Variants in GPC5 observed in about 807,000 individuals in gnomAD.
GPC5 encodes the protein glypican-5.
GPC5 carries 47 observed loss-of-function variants against 53.9 expected under a neutral mutation model. That is an observed-to-expected ratio of 0.87 (90% confidence interval 0.69 to 1.11). GPC5 has a LOEUF of 1.11. Ranked by LOEUF, GPC5 falls within the 50% of genes most tolerant of loss-of-function variation. The pLI is 0.00. For synonymous variants in GPC5, 286 were observed against 263.3 expected, an observed-to-expected ratio of 1.09 and a Z score of -0.84; for missense variants, 748 against 713.1, an observed-to-expected ratio of 1.05 and a Z score of -0.56.
chr13:91,588,966 G>T (rs10492616), intron 2 of GPC5, among the ~76,000 whole-genome samples: 21,856 of 152,100 alleles, frequency 0.14, 1,765 homozygotes, highest in African/African-American at 0.23. Flanking sequence ...TATAGTCACT[G>T]AATAATCCAA....
chr13:92,723,673 C>T (rs768715235), intron 7 of GPC5, among the ~76,000 whole-genome samples: 1 of 151,630 alleles, frequency 6.6e-6, no homozygotes, highest in Non-Finnish European at 1.5e-5. Flanking sequence ...AGTCAGGATG[C>T]TGTGAACCCA....
intron 2 of GPC5, among the ~76,000 whole-genome samples, chr13:91,572,176 T>C (rs1566517391): frequency 5.7e-5 from 4 of 69,648 alleles, no homozygotes; most frequent in Non-Finnish European, 3.8e-5. Flanking sequence ...CATATGTATA[T>C]ATACGTGTGT....
intron 7 of GPC5, among the ~76,000 whole-genome samples, chr13:92,334,211 G>A (rs867758899): frequency 4.6e-5 from 7 of 152,176 alleles, no homozygotes; most frequent in African/African-American, 2.4e-5. Context: ...GGCTAGGGAG[G>A]CCTCTCAGTC....
At chr13:91,946,217 T>G (rs1197949284) in intron 6 of GPC5, among the ~76,000 whole-genome samples, 1 of 152,210 alleles carries the variant, frequency 6.6e-6, no homozygotes, top group East Asian at 1.9e-4. Context: ...CTTTGTCTCA[T>G]GGTTTCTCTG....
At chr13:91,587,371 CT>C (rs1455491515) in intron 2 of GPC5, among the ~76,000 whole-genome samples, 3 of 152,090 alleles carry the variant, frequency 2.0e-5, no homozygotes, top group African/African-American at 7.2e-5. Context: ...TAAGCATGAC[CT>C]TTTCAAGTCT....
chr13:91,552,125 A>G (rs951646785), intron 2 of GPC5, among the ~76,000 whole-genome samples: 1 of 152,042 alleles, frequency 6.6e-6, no homozygotes, highest in Non-Finnish European at 1.5e-5. Flanking sequence ...TTTCCTTGCT[A>G]TTACTTTTAA....
At chr13:92,631,257 A>T (rs1369006872) in intron 7 of GPC5, among the ~76,000 whole-genome samples, 1 of 152,164 alleles carries the variant, frequency 6.6e-6, no homozygotes, top group Non-Finnish European at 1.5e-5. Flanking sequence ...TGTGCTAAAA[A>T]ATAACAGTAG....
chr13:92,354,299 TACA>T (rs759910008), intron 7 of GPC5, among the ~76,000 whole-genome samples: 28 of 152,334 alleles, frequency 1.8e-4, no homozygotes, highest in Non-Finnish European at 2.9e-4. Context: ...TTCCTATTGA[TACA>T]ACAACAGTAA....
At chr13:92,399,807 T>G (rs1247356147) in intron 7 of GPC5, among the ~76,000 whole-genome samples, 1 of 152,210 alleles carries the variant, frequency 6.6e-6, no homozygotes, top group Non-Finnish European at 1.5e-5. Flanking sequence ...GTTATTTAAC[T>G]TTATGTGCCT....
chr13:92,833,755 TG>T (rs1386237836), intron 7 of GPC5, among the ~76,000 whole-genome samples: 1 of 152,184 alleles, frequency 6.6e-6, no homozygotes, highest in Non-Finnish European at 1.5e-5. Context: ...CCTCACAGGT[TG>T]GCAAGGGTAA....
intron 7 of GPC5, among the ~76,000 whole-genome samples, chr13:92,478,298 A>G (rs1879225893): frequency 1.3e-5 from 2 of 152,170 alleles, no homozygotes; most frequent in Non-Finnish European, 2.9e-5. Flanking sequence ...ATTTCTCTTG[A>G]TCCTTAAAAG....
chr13:91,438,001 G>A (rs1188268649), intron 1 of GPC5, among the ~76,000 whole-genome samples: 3 of 152,004 alleles, frequency 2.0e-5, no homozygotes, highest in African/African-American at 7.3e-5. Flanking sequence ...TCGTGCCTTG[G>A]TTTTCAGCTT....
chr13:91,476,694 A>G (rs1327478574), intron 2 of GPC5, among the ~76,000 whole-genome samples: 2 of 152,122 alleles, frequency 1.3e-5, no homozygotes, highest in African/African-American at 4.8e-5. Flanking sequence ...GGATTACTCT[A>G]CTCACACCAA....
chr13:91,403,174 C>T (rs1394067225), intron 1 of GPC5, among the ~76,000 whole-genome samples: 1 of 152,198 alleles, frequency 6.6e-6, no homozygotes, highest in Non-Finnish European at 1.5e-5. Context: ...GAATTGGGAC[C>T]CGTCGTCTGA....
intron 6 of GPC5, among the ~76,000 whole-genome samples, chr13:91,917,613 G>T (rs557599581): frequency 2.4e-4 from 37 of 152,254 alleles, no homozygotes; most frequent in African/African-American, 8.4e-4. Flanking sequence ...TGAATGCTTT[G>T]CCAATTAGCA....
At chr13:92,264,492 C>T (rs1440273736) in intron 7 of GPC5, among the ~76,000 whole-genome samples, 1 of 151,958 alleles carries the variant, frequency 6.6e-6, no homozygotes. Context: ...AGCACACACA[C>T]ATACACACAC....
At chr13:91,889,364 G>A (rs1364516179) in intron 5 of GPC5, among the ~76,000 whole-genome samples, 2 of 151,968 alleles carry the variant, frequency 1.3e-5, no homozygotes, top group African/African-American at 4.8e-5. Flanking sequence ...TGTTCTTATA[G>A]TTAGTAAAAT....
intron 7 of GPC5, chr13:92,510,223 T>A (rs1880516292): frequency 6.6e-6 from 1 of 152,058 alleles, no homozygotes; most frequent in East Asian, 1.9e-4. Context: ...TTTGGAAAAA[T>A]TAAAGGCATC....
intron 7 of GPC5, among the ~76,000 whole-genome samples, chr13:92,417,831 C>T (rs574190325): frequency 1.4e-4 from 22 of 152,178 alleles, no homozygotes; most frequent in East Asian, 3.9e-4. Context: ...GTCGAGGGTG[C>T]GGTGAGCTGA....
Sources: allele counts gnomAD v4.1 joint callset (sites outside exome capture counted in the v4.1 genomes callset), GRCh38; gene constraint gnomAD v4.1.1; transcripts MANE v1.5; gene names NCBI Gene and HGNC (gene_info 2026-07-23, HGNC 2026-07-21).